Variants in DLG2 observed in about 807,000 individuals in gnomAD.
DLG2 encodes discs large MAGUK scaffold protein 2.
Under a neutral mutation model 132.5 loss-of-function variants are expected in DLG2, and 45 were observed. That is an observed-to-expected ratio of 0.34 (90% CI 0.27 to 0.44). The LOEUF is 0.44. DLG2 is among the 20% of genes least tolerant of loss of function. DLG2 has a pLI of 1.00. For missense variants in DLG2, 1,045 were observed against 1,196.9 expected (o/e 0.87, Z 1.87); for synonymous variants, 424 against 419.6 (o/e 1.01, Z -0.13).
chr11:84,904,189 G>C (rs2091248347), intron 6 of DLG2, among the ~76,000 whole-genome samples: 1 of 152,050 alleles, frequency 6.6e-6, no homozygotes. Flanking sequence ...TACGCACCAA[G>C]TCTTAAAATG....
At chr11:84,721,192 T>G (rs1348628925) in intron 6 of DLG2, among the ~76,000 whole-genome samples, 3 of 152,128 alleles carry the variant, frequency 2.0e-5, no homozygotes, top group Non-Finnish European at 4.4e-5. Context: ...CTCCCAGCCC[T>G]TTGACAACAG....
At chr11:84,631,014 TCTCTCACACACA>T (rs1434021884) in intron 6 of DLG2, among the ~76,000 whole-genome samples, 110 of 128,310 alleles carry the variant, frequency 8.6e-4, no homozygotes, top group African/African-American at 3.5e-3. Flanking sequence ...TCTCTCTCTC[TCTCTCACACACA>T]CACACACACA....
At chr11:84,790,027 A>G (rs375342892) in intron 6 of DLG2, among the ~76,000 whole-genome samples, 68 of 152,316 alleles carry the variant, frequency 4.5e-4, no homozygotes, top group African/African-American at 1.6e-3. Flanking sequence ...GGCTATTGTG[A>G]AGAGTGCTGC....
intron 3 of DLG2, among the ~76,000 whole-genome samples, chr11:85,495,246 C>G (rs1597914873): frequency 6.6e-6 from 1 of 152,002 alleles, no homozygotes; most frequent in African/African-American, 2.4e-5. Flanking sequence ...AGTTGGTATA[C>G]CTACTTTGAA....
intron 15 of DLG2, among the ~76,000 whole-genome samples, chr11:83,928,596 G>T (rs1017465875): frequency 6.6e-5 from 10 of 152,184 alleles, no homozygotes; most frequent in East Asian, 1.9e-4. Context: ...AGAAATGGGG[G>T]GAAATTTTTT....
intron 15 of DLG2, among the ~76,000 whole-genome samples, chr11:83,896,925 A>G (rs1049530307): frequency 6.6e-6 from 1 of 150,904 alleles, no homozygotes; most frequent in Non-Finnish European, 1.5e-5. Context: ...TTTTTTAAAA[A>G]TCATGTGTCA....
At chr11:84,664,403 C>CT (rs2099697851) in intron 6 of DLG2, among the ~76,000 whole-genome samples, 1 of 152,092 alleles carries the variant, frequency 6.6e-6, no homozygotes, top group Admixed American at 6.5e-5. Context: ...ACAACTGACT[C>CT]TAAGTTAGTA....
At chr11:84,073,582 A>T (rs548387044) in intron 10 of DLG2, among the ~76,000 whole-genome samples, 1 of 152,190 alleles carries the variant, frequency 6.6e-6, no homozygotes, top group Non-Finnish European at 1.5e-5. Context: ...GGGATTTACA[A>T]ATTCACATCA....
At position 83,591,853 on chromosome 11, in the gene DLG2, C is replaced by G. The variant is rs1410906543; in HGVS notation, c.1940+41358G>C. 3.4e-5 allele frequency among the ~76,000 whole-genome samples: 5 copies of G among 149,082 alleles called. No individual in the cohort carries two copies. In the East Asian group the frequency reaches 1.0e-3, roughly 30 times the overall value. ...AGCATTCTTATACACCAATAACAGA[C>G]AAACAGAGAGCCAAATCATGAGTGA... On this transcript the variant is annotated intron_variant, in intron 19 of 27. Transcript: ENST00000376104.
intron 10 of DLG2, among the ~76,000 whole-genome samples, chr11:84,061,302 G>A (rs536109676): frequency 2.0e-5 from 3 of 152,210 alleles, no homozygotes; most frequent in African/African-American, 7.2e-5. Flanking sequence ...TAAGCACTTA[G>A]TACATACTCT....
At chr11:84,557,884 T>C (rs2099415124) in intron 6 of DLG2, among the ~76,000 whole-genome samples, 1 of 152,138 alleles carries the variant, frequency 6.6e-6, no homozygotes. Context: ...TCTCCAATGA[T>C]CTTACTACAA....
At chr11:84,508,191 T>C (rs11234058) in intron 7 of DLG2, among the ~76,000 whole-genome samples, 1 of 152,162 alleles carries the variant, frequency 6.6e-6, no homozygotes, top group African/African-American at 2.4e-5. Context: ...ACTTCCACAG[T>C]ACCTTTATAA....
chr11:84,916,407 T>C (rs1056406880), intron 6 of DLG2, among the ~76,000 whole-genome samples: 1 of 140,908 alleles, frequency 7.1e-6, no homozygotes, highest in Admixed American at 7.2e-5. Flanking sequence ...TGGTAATTAC[T>C]TATCAAAGTA....
intron 6 of DLG2, among the ~76,000 whole-genome samples, chr11:84,740,471 G>A (rs1053684733): frequency 5.3e-5 from 8 of 152,246 alleles, no homozygotes; most frequent in South Asian, 2.1e-4. Flanking sequence ...TTAGGAGGAC[G>A]AGGTGTAGAT....
intron 18 of DLG2, among the ~76,000 whole-genome samples, chr11:83,689,320 G>A (rs949989425): frequency 4.6e-5 from 7 of 152,050 alleles, no homozygotes; most frequent in African/African-American, 1.4e-4. Flanking sequence ...GGTTAACCAC[G>A]GAACTCTGGA....
chr11:83,588,063 G>A (rs1015128698), intron 19 of DLG2, among the ~76,000 whole-genome samples: 1 of 152,156 alleles, frequency 6.6e-6, no homozygotes, highest in African/African-American at 2.4e-5. Flanking sequence ...GGGGAGGGGC[G>A]CCCGCCATTG....
chr11:85,557,921 T>C (rs2077024931), intron 3 of DLG2, among the ~76,000 whole-genome samples: 1 of 151,694 alleles, frequency 6.6e-6, no homozygotes. Context: ...GACTAAGTCC[T>C]CAAAAGTAAT....
At chr11:84,580,640 G>A (rs890305052) in intron 6 of DLG2, among the ~76,000 whole-genome samples, 8 of 152,144 alleles carry the variant, frequency 5.3e-5, no homozygotes, top group Admixed American at 3.9e-4. Flanking sequence ...CTGTCTCCTC[G>A]TATTTTGAAA....
chr11:83,501,202 C>CTTT (rs66954557), intron 21 of DLG2, among the ~76,000 whole-genome samples: 46 of 137,624 alleles, frequency 3.3e-4, no homozygotes, highest in African/African-American at 1.1e-3. Flanking sequence ...TTTTTCTTTT[C>CTTT]TTTTTTTTTT....
Sources: allele counts gnomAD v4.1 joint callset (sites outside exome capture counted in the v4.1 genomes callset), GRCh38; gene constraint gnomAD v4.1.1; transcripts MANE v1.5; gene names NCBI Gene and HGNC (gene_info 2026-07-23, HGNC 2026-07-21).